Variants in SNX29 observed in about 807,000 individuals in gnomAD.
SNX29 encodes the protein sorting nexin-29.
In SNX29, 78 loss-of-function variants were observed where a neutral mutation model predicts 102.1. That is an observed-to-expected ratio of 0.76 (90% CI 0.64 to 0.92). SNX29 has a LOEUF of 0.92. SNX29 is among the 40% of genes least tolerant of loss of function. The pLI is 0.00. For missense variants in SNX29, 1,280 were observed against 1,061.7 expected (o/e 1.21, Z -2.86); for synonymous variants, 580 against 414.5 (o/e 1.40, Z -4.85).
At position 12,572,271 on chromosome 16, in the gene SNX29, G is replaced by T; in HGVS notation, c.*3642G>T. 1 of 1,060,456 alleles carries T rather than the reference G, an allele frequency of 9.4e-7. No individual in the cohort carries two copies. The highest frequency in any genetic ancestry group is 4.6e-5 in the South Asian group (1 of 21,878). 65.7% of individuals were successfully genotyped at this position (1,060,456 alleles called of 1,614,324 possible). Reference sequence around the variant, plus strand: ...GATTGATACCATGGCTGTAGCTGATGCAACTAACAAGTACTGGGGCCAGTG... The same window carrying T: ...GATTGATACCATGGCTGTAGCTGATTCAACTAACAAGTACTGGGGCCAGTG... On this transcript the variant is annotated 3_prime_UTR_variant, in exon 21 of 21. Transcript: ENST00000566228.
At chr16:12,044,989 A>G in intron 5 of SNX29, among the ~76,000 whole-genome samples, 1 of 152,212 alleles carries the variant, frequency 6.6e-6, no homozygotes, top group East Asian at 1.9e-4. Flanking sequence ...CAACAAGAAG[A>G]AATGAGTCCA....
chr16:12,539,979 T>A (rs2077253237), intron 20 of SNX29, among the ~76,000 whole-genome samples: 1 of 152,220 alleles, frequency 6.6e-6, no homozygotes, highest in Non-Finnish European at 1.5e-5. Context: ...CATATTTTCT[T>A]CTAGTCTTCA....
At chr16:12,223,355 A>G (rs1419109745) in intron 14 of SNX29, among the ~76,000 whole-genome samples, 3 of 152,104 alleles carry the variant, frequency 2.0e-5, no homozygotes, top group Non-Finnish European at 2.9e-5. Flanking sequence ...GCAAAACCCT[A>G]TCTCTATTAA....
Position 12,571,670 on chromosome 16 carries a change from G to A in SNX29, c.*3041G>A, listed in dbSNP as rs1170704008. On this transcript the variant is annotated 3_prime_UTR_variant, in exon 21 of 21. Transcript: ENST00000566228. ...GACGACTCAGGAACGGTAGGGCTGG[G>A]CAGAGGTGTCTCTCCTTGAGAGACA... 5 of 1,059,466 alleles carry A rather than the reference G, an allele frequency of 4.7e-6. No individual in the cohort carries two copies. In the East Asian group the frequency reaches 2.1e-4, roughly 44 times the overall value. 65.6% of individuals were successfully genotyped at this position (1,059,466 alleles called of 1,614,324 possible).
At chr16:12,037,257 G>GAAC (rs2057501687) in intron 4 of SNX29, among the ~76,000 whole-genome samples, 1 of 152,120 alleles carries the variant, frequency 6.6e-6, no homozygotes, top group African/African-American at 2.4e-5. Flanking sequence ...TGCGTTCCAG[G>GAAC]AACACCATGC....
chr16:12,177,674 C>A lies in SNX29; in HGVS notation c.1596-21927C>A, dbSNP rs1253484696. On this transcript the variant is annotated intron_variant, in intron 13 of 20. Coordinates refer to ENST00000566228, the MANE Select transcript of SNX29 (RefSeq NM_032167.5). ...AATTCACCCACCCACCTATGCAATT[C>A]AGTGGTTTTTTATATATTAACAGTA... 3.9e-5 allele frequency among the ~76,000 whole-genome samples: 6 copies of A among 152,308 alleles called. No homozygotes were observed. In the East Asian group the frequency reaches 1.2e-3, roughly 29 times the overall value.
intron 13 of SNX29, among the ~76,000 whole-genome samples, chr16:12,175,499 A>C (rs768330859): frequency 5.9e-5 from 9 of 151,956 alleles, no homozygotes; most frequent in Admixed American, 2.0e-4. Context: ...AACAAACAAA[A>C]AATTAGCCAG....
chr16:12,397,836 C>T (rs987289634), intron 16 of SNX29, among the ~76,000 whole-genome samples: 9 of 152,312 alleles, frequency 5.9e-5, no homozygotes, highest in Non-Finnish European at 1.3e-4. Flanking sequence ...TGCTTGCCCT[C>T]ACCCCCACCT....
intron 3 of SNX29, among the ~76,000 whole-genome samples, chr16:12,026,008 A>G (rs2057180789): frequency 6.6e-6 from 1 of 152,216 alleles, no homozygotes; most frequent in South Asian, 2.1e-4. Flanking sequence ...TGAGAAGAGT[A>G]AAATAATGGG....
chr16:12,563,864 T>TC (rs957650719), intron 20 of SNX29, among the ~76,000 whole-genome samples: 6 of 152,184 alleles, frequency 3.9e-5, no homozygotes, highest in African/African-American at 1.4e-4. Context: ...TAGCCATCTC[T>TC]CCCCATCTCT....
At chr16:12,357,674 C>A (rs145678221) in intron 16 of SNX29, among the ~76,000 whole-genome samples, 1 of 152,204 alleles carries the variant, frequency 6.6e-6, no homozygotes, top group Non-Finnish European at 1.5e-5. Context: ...CTGAAGCTGT[C>A]CCCTTTAAAC....
rs143007364 is a variant in SNX29 at position 12,060,987 on chromosome 16, C to G, written c.1125-541C>G. 404 of 402,326 alleles carry G rather than the reference C, an allele frequency of 1.0e-3. 1 individual carries two copies. Among genetic ancestry groups the G allele is most frequent in the African/African-American group, 7.9e-3 (382 of 48,506 alleles). 24.9% of individuals were successfully genotyped at this position (402,326 alleles called of 1,614,324 possible). A position where few individuals can be genotyped will look rare whatever the true frequency, so the allele number is the denominator to read the frequency against. Reference sequence around the variant, plus strand: ...GCAGCGAGGCGGAGCAACGCTAGCCCTAGGTCAGGTGGCTGCTGTCATTTC... The same window carrying G: ...GCAGCGAGGCGGAGCAACGCTAGCCGTAGGTCAGGTGGCTGCTGTCATTTC... On this transcript the variant is annotated intron_variant, in intron 8 of 20. Transcript: ENST00000566228.
At position 12,033,586 on chromosome 16, in the gene SNX29, A is replaced by G. The variant is rs544033236; in HGVS notation, c.247+6142A>G. The stretch of plus-strand genomic sequence containing the variant: ...AGTTCTTCTTCCATCAAACCTATGT[A>G]TGGAACTACCCGTTTTCTTTTTTCT... On this transcript the variant is annotated intron_variant, in intron 4 of 20. Coordinates refer to ENST00000566228, the MANE Select transcript of SNX29 (RefSeq NM_032167.5). 6.6e-5 allele frequency among the ~76,000 whole-genome samples: 10 copies of G among 151,036 alleles called. No individual in the cohort carries two copies. The East Asian group carries it at 1.6e-3, about 23-fold the overall frequency.
At chr16:12,531,158 G>A (rs573836876) in intron 20 of SNX29, among the ~76,000 whole-genome samples, 98 of 152,334 alleles carry the variant, frequency 6.4e-4, no homozygotes, top group African/African-American at 2.2e-3. Context: ...GATCTGGATC[G>A]AAGGGGAAGC....
chr16:12,227,977 C>T (rs956996597), intron 14 of SNX29, among the ~76,000 whole-genome samples: 11 of 147,388 alleles, frequency 7.5e-5, no homozygotes, highest in Admixed American at 6.8e-4. Flanking sequence ...CACCTGGGAG[C>T]ATGTTAGAGA....
chr16:11,986,278 C>T (rs1160256491), intron 1 of SNX29, among the ~76,000 whole-genome samples: 3 of 151,692 alleles, frequency 2.0e-5, no homozygotes, highest in Admixed American at 6.6e-5. Flanking sequence ...CCAGGCAGTA[C>T]CCCGCTTCCT....
At chr16:12,559,587 C>T (rs983023086) in intron 20 of SNX29, among the ~76,000 whole-genome samples, 7 of 151,814 alleles carry the variant, frequency 4.6e-5, no homozygotes, top group South Asian at 2.1e-4. Flanking sequence ...ATCCCTGGTG[C>T]CAAAAAGGTT....
At chr16:12,549,688 G>A (rs1052173522) in intron 20 of SNX29, among the ~76,000 whole-genome samples, 3 of 152,232 alleles carry the variant, frequency 2.0e-5, no homozygotes, top group African/African-American at 7.2e-5. Context: ...GCATCTTGAT[G>A]TCGCAGATGC....
chr16:12,015,688 A>G (rs1001650562), intron 3 of SNX29, among the ~76,000 whole-genome samples: 3 of 148,546 alleles, frequency 2.0e-5, no homozygotes, highest in African/African-American at 7.5e-5. Flanking sequence ...CGCGCCCGCC[A>G]CCGTGCCCGG....
Sources: gnomAD v4.1 joint callset for allele counts (sites outside exome capture counted in the v4.1 genomes callset) on GRCh38, gnomAD v4.1.1 for gene constraint, MANE v1.5 for transcripts, NCBI Gene and HGNC (gene_info 2026-07-23, HGNC 2026-07-21) for gene names.